FGF14: variants seen among roughly 807,000 people sequenced by gnomAD.
FGF14 encodes fibroblast growth factor 14.
FGF14 carries 5 observed loss-of-function variants against 25.5 expected under a neutral mutation model. That is an observed-to-expected ratio of 0.20 (90% confidence interval 0.10 to 0.41). The LOEUF (loss-of-function observed/expected upper bound fraction) is 0.41, where lower values mean the gene tolerates loss of function less well. FGF14 is among the 10% of genes least tolerant of loss of function. The pLI is 1.00. For missense variants in FGF14, 222 were observed against 320.1 expected (o/e 0.69, Z 2.34); for synonymous variants, 138 against 118.3 (o/e 1.17, Z -1.08).
intron 1 of FGF14, among the ~76,000 whole-genome samples, chr13:102,145,226 G>A (rs2046805573): frequency 6.6e-6 from 1 of 152,142 alleles, no homozygotes; most frequent in African/African-American, 2.4e-5. Context: ...TGACAATCAT[G>A]GCAATTGGGT....
rs2034552680 is a variant in FGF14 at position 101,713,128 on chromosome 13, A to C, written c.*9703T>G. Reference sequence around the variant, plus strand: ...TTTGAGAAGTGTGTCAAGAAATGGCAAACATTTAATTTGGACTTTGGGGAT... The same window carrying C: ...TTTGAGAAGTGTGTCAAGAAATGGCCAACATTTAATTTGGACTTTGGGGAT... On this transcript the variant is annotated 3_prime_UTR_variant, in exon 5 of 5. Transcript: ENST00000376143. The C allele has an allele frequency of 6.6e-6, 1 of 152,208 alleles. No homozygotes were observed. Among genetic ancestry groups the C allele is most frequent in the South Asian group, 2.1e-4 (1 of 4,832 alleles). The allele number at this position is 152,208 out of a possible 1,614,324, so 9.4% of individuals were successfully genotyped here.
In FGF14 at chr13:101,890,424, C is replaced by T. The variant is rs148086404; in HGVS notation, c.194-15128G>A. Among the ~76,000 whole-genome samples, 286 of 152,264 alleles carry T rather than the reference C, an allele frequency of 1.9e-3. 2 individuals carry two copies. Among genetic ancestry groups the T allele is most frequent in the African/African-American group, 6.4e-3 (266 of 41,556 alleles). ...TAAAAACCTTTCTGTCTGCTTTGCT[C>T]TGCAGTGTGCCAGGGAGAACCATTT... On this transcript the variant is annotated intron_variant, in intron 1 of 4. Transcript: ENST00000376143.
intron 3 of FGF14, among the ~76,000 whole-genome samples, chr13:101,855,890 C>T (rs2044101751): frequency 7.6e-6 from 1 of 131,542 alleles, no homozygotes; most frequent in Non-Finnish European, 1.6e-5. Context: ...TGTCTGCATT[C>T]AAATTCCTAC....
At chr13:102,158,295 A>G (rs1012154336) in intron 1 of FGF14, among the ~76,000 whole-genome samples, 6 of 152,222 alleles carry the variant, frequency 3.9e-5, no homozygotes, top group African/African-American at 1.2e-4. Flanking sequence ...CATAGACTGG[A>G]TTAAGAAAAT....
intron 1 of FGF14, among the ~76,000 whole-genome samples, chr13:102,102,220 A>G (rs1408366065): frequency 6.6e-6 from 1 of 152,220 alleles, no homozygotes; most frequent in Non-Finnish European, 1.5e-5. Context: ...ACCCAGTAGT[A>G]GCAAGAACAA....
chr13:101,944,180 A>G (rs1028584859), intron 1 of FGF14, among the ~76,000 whole-genome samples: 4 of 152,174 alleles, frequency 2.6e-5, no homozygotes, highest in African/African-American at 9.7e-5. Flanking sequence ...GAATACTTAA[A>G]CTTTCCAAGC....
rs145012525 is a variant in FGF14 at position 101,712,605 on chromosome 13, A to G, written c.*10226T>C. ...CACTACTTTAGAAACAACTAAAGAC[A>G]GCCAAATACTTCAAATAACTAATTT... On this transcript the variant is annotated 3_prime_UTR_variant, in exon 5 of 5. Coordinates refer to ENST00000376143, the MANE Select transcript of FGF14 (RefSeq NM_004115.4). 3 of 152,362 alleles carry G rather than the reference A, an allele frequency of 2.0e-5. No homozygotes were observed. In the East Asian group the frequency reaches 5.8e-4, roughly 29 times the overall value. The allele number at this position is 152,362 out of a possible 1,614,324, so 9.4% of individuals were successfully genotyped here.
chr13:102,156,619 C>T (rs1241832832), intron 1 of FGF14, among the ~76,000 whole-genome samples: 1 of 152,340 alleles, frequency 6.6e-6, no homozygotes, highest in East Asian at 1.9e-4. Context: ...GAGGCCCTCT[C>T]TCACCACTCC....
At chr13:101,940,207 C>A (rs1478866328) in intron 1 of FGF14, among the ~76,000 whole-genome samples, 2 of 152,174 alleles carry the variant, frequency 1.3e-5, no homozygotes, top group East Asian at 3.9e-4. Context: ...AATAGGCAGG[C>A]TGTCAAATAC....
At chr13:102,033,975 T>A (rs953714263) in intron 1 of FGF14, among the ~76,000 whole-genome samples, 2 of 152,084 alleles carry the variant, frequency 1.3e-5, no homozygotes, top group Non-Finnish European at 2.9e-5. Flanking sequence ...CTCAGGAGAA[T>A]GAGCCTAGAA....
intron 1 of FGF14, among the ~76,000 whole-genome samples, chr13:101,946,487 T>C (rs1363499928): frequency 6.6e-6 from 1 of 152,122 alleles, no homozygotes; most frequent in Admixed American, 6.6e-5. Context: ...TTATTTAACA[T>C]GTAGTAACTC....
At chr13:102,119,181 G>T (rs2045606177) in intron 1 of FGF14, among the ~76,000 whole-genome samples, 1 of 152,138 alleles carries the variant, frequency 6.6e-6, no homozygotes, top group Non-Finnish European at 1.5e-5. Context: ...TGAGTAAGCT[G>T]AATCTCATCA....
intron 1 of FGF14, among the ~76,000 whole-genome samples, chr13:102,345,347 T>C (rs770598102): frequency 1.3e-5 from 2 of 152,200 alleles, no homozygotes; most frequent in Non-Finnish European, 2.9e-5. Context: ...ATAAAGCAAA[T>C]GCGATGATGA....
chr13:101,715,740 T>C lies in FGF14; in HGVS notation c.*7091A>G. 1 of 787,490 alleles carries C rather than the reference T, an allele frequency of 1.3e-6. No individual in the cohort carries two copies. The highest frequency in any genetic ancestry group is 2.2e-6 in the Non-Finnish European group (1 of 454,550). The allele number at this position is 787,490 out of a possible 1,614,324, so 48.8% of individuals were successfully genotyped here. On this transcript the variant is annotated 3_prime_UTR_variant, in exon 5 of 5. Transcript: ENST00000376143. ...GAAGGAAACCATGTATATTCACCAC[T>C]AGGACAGGTTAAAAAGACCATTGTA...
intron 1 of FGF14, among the ~76,000 whole-genome samples, chr13:102,160,625 C>T (rs1042927587): frequency 3.3e-5 from 5 of 152,076 alleles, no homozygotes; most frequent in Non-Finnish European, 7.4e-5. Context: ...ACCACTCAGT[C>T]GGCTTTGGGA....
At chr13:102,374,696 A>G (rs1447994902) in intron 1 of FGF14, among the ~76,000 whole-genome samples, 8 of 88,886 alleles carry the variant, frequency 9.0e-5, no homozygotes, top group Middle Eastern at 8.5e-3. Context: ...ATATATATAT[A>G]TGTCAGTAAG....
At chr13:101,977,452 C>T (rs2037997588) in intron 1 of FGF14, among the ~76,000 whole-genome samples, 1 of 152,204 alleles carries the variant, frequency 6.6e-6, no homozygotes, top group Admixed American at 6.5e-5. Context: ...GACTTCTTAT[C>T]TGAACCTAAA....
intron 1 of FGF14, among the ~76,000 whole-genome samples, chr13:102,057,079 T>C (rs1437001443): frequency 6.6e-6 from 1 of 151,998 alleles, no homozygotes; most frequent in Non-Finnish European, 1.5e-5. Flanking sequence ...TGACTTTTTA[T>C]ATTAGCTTAA....
chr13:102,286,480 G>C (rs1311771798), intron 1 of FGF14, among the ~76,000 whole-genome samples: 1 of 152,102 alleles, frequency 6.6e-6, no homozygotes, highest in African/African-American at 2.4e-5. Flanking sequence ...TAACTAACCT[G>C]GGAATTCTCT....
Sources: allele counts gnomAD v4.1 joint callset (sites outside exome capture counted in the v4.1 genomes callset), GRCh38; gene constraint gnomAD v4.1.1; transcripts MANE v1.5; gene names NCBI Gene and HGNC (gene_info 2026-07-23, HGNC 2026-07-21).